Variants in CASZ1 observed in about 807,000 individuals in gnomAD.
CASZ1 encodes castor zinc finger 1.
A neutral mutation model predicts 135.2 loss-of-function variants in CASZ1; 28 were observed. The ratio of observed to expected loss-of-function variants is 0.21; its 90% CI spans 0.15 to 0.28. CASZ1 has a LOEUF of 0.28. Ranked by LOEUF, CASZ1 falls within the 10% of genes least tolerant of loss-of-function variation. The pLI is 1.00. For missense variants in CASZ1, 2,161 were observed against 2,453.3 expected (o/e 0.88, Z 2.52); for synonymous variants, 1,068 against 1,073.4 (o/e 0.99, Z 0.10).
rs550850585 is a variant in CASZ1 at position 10,757,910 on chromosome 1, C to A, written c.-77+2791G>T. ...CTCCCCAGGCACACAAAGCCCTGCA[C>A]CTCCTGACACCCACCTCATCCACGT... On this transcript the variant is annotated intron_variant, in intron 2 of 20. Transcript: ENST00000377022. The surrounding 1 kb of genome is among the most constrained non-coding windows in gnomAD (Gnocchi z 4.6). Among the ~76,000 whole-genome samples the A allele has an allele frequency of 7.2e-5, 11 of 152,378 alleles. No homozygotes were observed. In the South Asian group the frequency reaches 2.3e-3, roughly 32 times the overall value.
chr1:10,760,868 G>A lies in CASZ1; in HGVS notation c.-233-11C>T, dbSNP rs1570569498. 1 of 152,202 alleles carries A rather than the reference G, an allele frequency of 6.6e-6. No individual in the cohort carries two copies. The highest frequency in any genetic ancestry group is 1.5e-5 in the Non-Finnish European group (1 of 68,060). The allele number at this position is 152,202 out of a possible 1,614,324, so 9.4% of individuals were successfully genotyped here. A position where few individuals can be genotyped will look rare whatever the true frequency, so the allele number is the denominator to read the frequency against. Reference sequence around the variant, plus strand: ...GCAAGGTCTGTTTGCCTGCCAAAATGAGACAGGAAAACAGAAAAGATGAGG... The same window carrying A: ...GCAAGGTCTGTTTGCCTGCCAAAATAAGACAGGAAAACAGAAAAGATGAGG... On this transcript the variant is annotated splice_polypyrimidine_tract_variant and intron_variant, in intron 1 of 20. Transcript: ENST00000377022.
chr1:10,683,717 T>C (rs952406397), intron 4 of CASZ1, among the ~76,000 whole-genome samples: 1 of 152,102 alleles, frequency 6.6e-6, no homozygotes, highest in Non-Finnish European at 1.5e-5. Flanking sequence ...AACCCTCCCC[T>C]GCGGACAGAT....
intron 8 of CASZ1, 42 bp from the exon 9 acceptor site, chr1:10,655,855 C>T (rs1642772246): frequency 1.3e-6 from 2 of 1,599,060 alleles, no homozygotes; most frequent in Admixed American, 1.7e-5. Context: ...CCTGAGCTCC[C>T]CCTCCGCCCT....
At position 10,735,652 on chromosome 1, in the gene CASZ1, C is replaced by A. The variant is rs978671372; in HGVS notation, c.-77+25049G>T. ...ACTCTCCCGGTTTCTGTGCCCTGAG[C>A]TCTCAGAGAACCCACCACAGATGGC... On this transcript the variant is annotated intron_variant, in intron 2 of 20. Transcript: ENST00000377022. This position sits in a 1 kb window ranked among gnomAD's most constrained non-coding sequence, Gnocchi z 5.1. Among the ~76,000 whole-genome samples, 1 of 152,216 alleles carries A rather than the reference C, an allele frequency of 6.6e-6. No homozygotes were observed. The highest frequency in any genetic ancestry group is 1.5e-5 in the Non-Finnish European group (1 of 68,020).
In CASZ1 at chr1:10,676,662, G is replaced by A. The variant is rs930299940; in HGVS notation, c.17-11091C>T. On this transcript the variant is annotated intron_variant, in intron 4 of 20. Coordinates refer to ENST00000377022, the MANE Select transcript of CASZ1 (RefSeq NM_001079843.3). This position sits in a 1 kb window ranked among gnomAD's most constrained non-coding sequence, Gnocchi z 4.5. ...TCCCTCCACCTTGGTGCCTGCCCTC[G>A]ACCAGCCTACAGCTCAGAAACGAGC... Among the ~76,000 whole-genome samples, 1 of 152,040 alleles carries A rather than the reference G, an allele frequency of 6.6e-6. No homozygotes were observed. Among genetic ancestry groups the A allele is most frequent in the African/African-American group, 2.4e-5 (1 of 41,380 alleles).
At position 10,788,278 on chromosome 1, in the gene CASZ1, C is replaced by G. The variant is rs1216969149; in HGVS notation, c.-234+8286G>C. ...CAACCTGAGTGCTAGCCCCGATCCA[C>G]CTATGGGGTCCCCTGGGTGACAGTT... On this transcript the variant is annotated intron_variant, in intron 1 of 20. Transcript: ENST00000377022. The surrounding 1 kb of genome is among the most constrained non-coding windows in gnomAD (Gnocchi z 4.1). Among the ~76,000 whole-genome samples the G allele has an allele frequency of 2.0e-5, 3 of 152,136 alleles. No homozygotes were observed. Among genetic ancestry groups the G allele is most frequent in the Non-Finnish European group, 4.4e-5 (3 of 68,040 alleles).
chr1:10,643,340 C>T, intron 18 of CASZ1, 29 bp from the exon 19 acceptor site: 1 of 1,609,500 alleles, frequency 6.2e-7, no homozygotes, highest in South Asian at 1.1e-5. Context: ...CTGGCATGAG[C>T]CCCCAGCTGG....
chr1:10,642,411 C>A (rs1160748783), intron 20 of CASZ1: 1 of 160,534 alleles, frequency 6.2e-6, no homozygotes, highest in Admixed American at 6.4e-5. Flanking sequence ...AATGAGAAAC[C>A]CGATGGCAGA....
rs1027682583 is a variant in CASZ1 at position 10,666,704 on chromosome 1, G to T, written c.17-1133C>A. 5.3e-5 allele frequency among the ~76,000 whole-genome samples: 8 copies of T among 152,226 alleles called. No homozygotes were observed. The highest frequency in any genetic ancestry group is 3.3e-4 in the Admixed American group (5 of 15,290). On this transcript the variant is annotated intron_variant, in intron 4 of 20. Transcript: ENST00000377022. This position sits in a 1 kb window ranked among gnomAD's most constrained non-coding sequence, Gnocchi z 5.2. ...TAGCCCAAACTCTGTCCCTGATAGG[G>T]CACCGAGGGTCCTGGGGGGGCATAC...
intron 4 of CASZ1, among the ~76,000 whole-genome samples, chr1:10,677,793 C>G (rs1437583703): frequency 2.0e-5 from 3 of 152,214 alleles, no homozygotes; most frequent in Non-Finnish European, 2.9e-5. Flanking sequence ...CCAGGCCCCT[C>G]GGGCCCCAAA....
chr1:10,766,007 T>C (rs1640468737), intron 1 of CASZ1, among the ~76,000 whole-genome samples: 1 of 152,000 alleles, frequency 6.6e-6, no homozygotes, highest in Non-Finnish European at 1.5e-5. Context: ...GAGACGGATA[T>C]CCATGGAAAC....
intron 11 of CASZ1, chr1:10,652,385 C>G (rs1370365131): frequency 1.3e-5 from 2 of 152,300 alleles, no homozygotes; most frequent in African/African-American, 4.8e-5. Context: ...GTCTGGCGTC[C>G]CGCCTGCTGT....
In CASZ1 at chr1:10,701,442, C is replaced by A. The variant is rs545727221; in HGVS notation, c.-24+4050G>T. ...TCTCCCTGCTGTGCCCTCTGCCCAC[C>A]CCCAAAATCCTTGGGAGAGGATGGG... On this transcript the variant is annotated intron_variant, in intron 3 of 20. Coordinates refer to ENST00000377022, the MANE Select transcript of CASZ1 (RefSeq NM_001079843.3). The surrounding 1 kb of genome is among the most constrained non-coding windows in gnomAD (Gnocchi z 6.3). Among the ~76,000 whole-genome samples the A allele has an allele frequency of 6.6e-6, 1 of 152,318 alleles. No individual in the cohort carries two copies. The highest frequency in any genetic ancestry group is 2.1e-4 in the South Asian group (1 of 4,824).
intron 8 of CASZ1, 117 bp from the exon 9 acceptor site, chr1:10,655,930 G>T (rs1312380664): frequency 3.8e-6 from 4 of 1,040,854 alleles, no homozygotes; most frequent in African/African-American, 1.6e-5. Context: ...AAAGAACCCT[G>T]CTTGGGGTCA....
At chr1:10,763,109 A>T (rs2100579253) in intron 1 of CASZ1, among the ~76,000 whole-genome samples, 1 of 152,284 alleles carries the variant, frequency 6.6e-6, no homozygotes, top group Admixed American at 6.5e-5. Context: ...AAGTGGCCTG[A>T]CCCACTTACC....
intron 4 of CASZ1, among the ~76,000 whole-genome samples, chr1:10,682,289 C>T (rs914796415): frequency 2.6e-5 from 4 of 151,912 alleles, no homozygotes; most frequent in African/African-American, 7.3e-5. Context: ...TGGGGGGTGC[C>T]GGGACGGGGA....
intron 20 of CASZ1, among the ~76,000 whole-genome samples, chr1:10,640,265 TC>T (rs1296351401): frequency 2.6e-5 from 4 of 152,130 alleles, no homozygotes; most frequent in Admixed American, 6.5e-5. Flanking sequence ...CCCCTCCTCA[TC>T]CCTGTCTGCA....
chr1:10,790,169 G>A (rs2100632368), intron 1 of CASZ1, among the ~76,000 whole-genome samples: 1 of 152,308 alleles, frequency 6.6e-6, no homozygotes, highest in East Asian at 1.9e-4. Flanking sequence ...GGCCATCTGG[G>A]ACTTTTTAAT....
intron 1 of CASZ1, among the ~76,000 whole-genome samples, chr1:10,772,601 A>T (rs1009273384): frequency 1.3e-5 from 2 of 152,140 alleles, no homozygotes; most frequent in African/African-American, 4.8e-5. Context: ...GTCCCTGTTC[A>T]CTGGAGGAGC....
Sources: gnomAD v4.1 joint callset for allele counts (sites outside exome capture counted in the v4.1 genomes callset) on GRCh38, gnomAD v4.1.1 for gene constraint, Gnocchi (gnomAD v3.1) non-coding constraint, MANE v1.5 for transcripts, NCBI Gene and HGNC (gene_info 2026-07-23, HGNC 2026-07-21) for gene names.